ZNF529: variants seen among roughly 807,000 people sequenced by gnomAD.
ZNF529 encodes the protein zinc finger protein 529.
A neutral mutation model predicts 10.1 loss-of-function variants in ZNF529; 11 were observed. The observed-to-expected ratio is 1.09, with a 90% CI of 0.69 to 1.81. ZNF529 has a LOEUF of 1.81. Among genes scored for constraint, ZNF529 ranks in the 40% most tolerant of loss-of-function variants. The pLI is 0.00. For synonymous variants in ZNF529, 204 were observed against 215.7 expected (o/e 0.95, Z 0.47); for missense variants, 624 against 666.8 (o/e 0.94, Z 0.71).
In ZNF529 at chr19:36,547,872, T is replaced by C; in HGVS notation, c.686A>G (p.Tyr229Cys). The change falls in exon 5 of 5, where the codon TAT becomes TGT. Residue 229 changes from tyrosine (Y) to cysteine (C), a missense_variant. Coordinates refer to ENST00000591340, the MANE Select transcript of ZNF529 (RefSeq NM_020951.5). Reference sequence around the variant, plus strand: ...ACTACATGTATTCCCATATTCCATATATTTACAAGGTTTCACACCAGTATG... The same window carrying C: ...ACTACATGTATTCCCATATTCCATACATTTACAAGGTTTCACACCAGTATG... ...NIHTGVKPCK[Y>C]MEYGNTCSFY... 1 of 1,612,140 alleles carries C rather than the reference T, an allele frequency of 6.2e-7. No individual in the cohort carries two copies. Among genetic ancestry groups the C allele is most frequent in the Non-Finnish European group, 8.5e-7 (1 of 1,178,634 alleles).
chr19:36,578,111 C>T (rs911557890), upstream of ZNF529, among the ~76,000 whole-genome samples: 7 of 116,112 alleles, frequency 6.0e-5, no homozygotes, highest in Non-Finnish European at 1.6e-5. Context: ...GTCACCCAGG[C>T]TGGAGTGCAG....
rs150333116 is a variant in ZNF529 at position 36,556,298 on chromosome 19, C to A, written c.15-101G>T. ...AAGAAACATTAGTTTAAGAGAATCT[C>A]AAAAAACATGTTAAGAACTCTTAGA... On this transcript the variant is annotated intron_variant, in intron 2 of 4. Transcript: ENST00000591340. The A allele has an allele frequency of 6.0e-6, 4 of 672,186 alleles. No individual in the cohort carries two copies. In the East Asian group the frequency reaches 1.1e-4, roughly 18 times the overall value. 41.6% of individuals were successfully genotyped at this position (672,186 alleles called of 1,614,324 possible).
chr19:36,598,160 T>C (rs765908918), intron 1 of ZNF529, among the ~76,000 whole-genome samples: 10 of 152,224 alleles, frequency 6.6e-5, no homozygotes, highest in Non-Finnish European at 1.2e-4. Context: ...TGACTGGTTA[T>C]GCATCCTTAT....
At chr19:36,586,630 G>A (rs532780620) in intron 2 of ZNF529, among the ~76,000 whole-genome samples, 138 of 151,796 alleles carry the variant, frequency 9.1e-4, no homozygotes, top group African/African-American at 3.2e-3. Flanking sequence ...AAAAAAAAAA[G>A]CTATTTAAAA....
At chr19:36,595,215 A>G (rs1000059156) in intron 1 of ZNF529, among the ~76,000 whole-genome samples, 3 of 152,172 alleles carry the variant, frequency 2.0e-5, no homozygotes, top group Non-Finnish European at 4.4e-5. Context: ...AACTTCCTTC[A>G]GTAGCATTGG....
In ZNF529 at chr19:36,561,653, T is replaced by G. The variant is rs541355002; in HGVS notation, c.15-5456A>C. On this transcript the variant is annotated intron_variant, in intron 2 of 4. Transcript: ENST00000591340. ...ACAGGCTGTGCCACTCCCCAAACCC[T>G]AGACCTGTAGAGCCAGCAGCATGCA... 1.3e-3 allele frequency among the ~76,000 whole-genome samples: 200 copies of G among 152,196 alleles called. 2 individuals carry two copies. Among genetic ancestry groups the G allele is most frequent in the African/African-American group, 4.7e-3 (195 of 41,548 alleles).
Position 36,547,340 on chromosome 19 carries a change from A to G in ZNF529, c.1218T>C (p.Ser406=). 6.2e-7 allele frequency: 1 copy of G among 1,613,738 alleles called. No individual in the cohort carries two copies. The highest frequency in any genetic ancestry group is 8.5e-7 in the Non-Finnish European group (1 of 1,179,916). The change falls in exon 5 of 5, where the codon AGT becomes AGC. Residue 406 remains serine (S), a synonymous_variant. Coordinates refer to ENST00000591340, the MANE Select transcript of ZNF529 (RefSeq NM_020951.5). ...TCCTCTGATGTCTAGTCAGGGATGA[A>G]CTATTTCTAAAGACCTTTCCACATG... ...CKACGKVFRN[S]SSLTRHQRIH... is the part of the protein sequence containing the mutation.
At chr19:36,565,485 G>T (rs921808242) in intron 2 of ZNF529, among the ~76,000 whole-genome samples, 1 of 152,158 alleles carries the variant, frequency 6.6e-6, no homozygotes, top group Non-Finnish European at 1.5e-5. Context: ...GGCGGATCAT[G>T]AGGTCAGGAG....
rs2034948750 is a variant in ZNF529 at position 36,544,754 on chromosome 19, A to G, written c.*2112T>C. ...TCTTTTAAAACTACTTGAATAAGCA[A>G]TACTTACATAAAACATAGCTCAATA... On this transcript the variant is annotated 3_prime_UTR_variant, in exon 5 of 5. Coordinates refer to ENST00000591340, the MANE Select transcript of ZNF529 (RefSeq NM_020951.5). 1 of 152,240 alleles carries G rather than the reference A, an allele frequency of 6.6e-6. No homozygotes were observed. Among genetic ancestry groups the G allele is most frequent in the African/African-American group, 2.4e-5 (1 of 41,462 alleles). 9.4% of individuals were successfully genotyped at this position (152,240 alleles called of 1,614,324 possible).
chr19:36,579,762 A>C (rs561913442), intron 2 of ZNF529, among the ~76,000 whole-genome samples: 1 of 152,346 alleles, frequency 6.6e-6, no homozygotes, highest in African/African-American at 2.4e-5. Context: ...GTGAGTTGTG[A>C]GAGAATGCTA....
chr19:36,592,612 G>A (rs1189962025), intron 1 of ZNF529, among the ~76,000 whole-genome samples: 1 of 149,448 alleles, frequency 6.7e-6, no homozygotes. Context: ...AAAAAAGAAA[G>A]AAAGAAAAAA....
intron 1 of ZNF529, among the ~76,000 whole-genome samples, chr19:36,590,286 G>T (rs2036676085): frequency 6.6e-6 from 1 of 152,004 alleles, no homozygotes; most frequent in Admixed American, 6.6e-5. Flanking sequence ...GAGGCAGAAG[G>T]ATCGCTTGAG....
Position 36,556,152 on chromosome 19 carries a change from T to G in ZNF529, c.60A>C (p.Pro20=). 1 of 1,520,214 alleles carries G rather than the reference T, an allele frequency of 6.6e-7. No individual in the cohort carries two copies. The highest frequency in any genetic ancestry group is 8.9e-7 in the Non-Finnish European group (1 of 1,118,282). 94.2% of individuals were successfully genotyped at this position (1,520,214 alleles called of 1,614,324 possible). Residue 20 remains proline, a synonymous_variant, in exon 3 of 5, where the codon CCA becomes CCC. Coordinates refer to ENST00000591340, the MANE Select transcript of ZNF529 (RefSeq NM_020951.5). Reference sequence around the variant, plus strand: ...AGAATTGGTCAGGGAATTCCACTTCTGGCATGACAGCATGAGGAGCTCCAT... The same window carrying G: ...AGAATTGGTCAGGGAATTCCACTTCGGGCATGACAGCATGAGGAGCTCCAT... The part of the protein sequence containing the change: ...HVHGAPHAVM[P]EVEFPDQFFT...
rs1044163325 is a variant in ZNF529 at position 36,573,169 on chromosome 19, G to C, written c.-76C>G. 3.2e-6 allele frequency: 1 copy of C among 314,396 alleles called. No individual in the cohort carries two copies. Among genetic ancestry groups the C allele is most frequent in the Non-Finnish European group, 6.5e-6 (1 of 154,444 alleles). The allele number at this position is 314,396 out of a possible 1,614,324, so 19.5% of individuals were successfully genotyped here. On this transcript the variant is annotated 5_prime_UTR_variant, in exon 1 of 5. Transcript: ENST00000591340. ...ATCGTCCGCAGCTCCCGCGTACAGA[G>C]GCCTCAGGCTCCCGGCTCCACGTGG...
rs145452952 is a variant in ZNF529, at chr19:36,560,912, A to G, written c.15-4715T>C. ...GATTTATAACACGGAAGCAAAATAT[A>G]GAGATTTGAAAATTCTCAGCCTAAG... On this transcript the variant is annotated intron_variant, in intron 2 of 4. Transcript: ENST00000591340. Among the ~76,000 whole-genome samples the G allele has an allele frequency of 8.6e-3, 1,306 of 152,378 alleles. 16 individuals carry two copies. The highest frequency in any genetic ancestry group is 0.018 in the South Asian group (86 of 4,828).
intron 1 of ZNF529, among the ~76,000 whole-genome samples, chr19:36,597,258 A>G (rs1434088522): frequency 1.3e-5 from 2 of 152,184 alleles, no homozygotes; most frequent in East Asian, 3.8e-4. Flanking sequence ...TGTTGGAGGT[A>G]AGTTCATCAA....
chr19:36,604,326 G>A (rs1295403465), intron 1 of ZNF529, among the ~76,000 whole-genome samples: 1 of 152,076 alleles, frequency 6.6e-6, no homozygotes, highest in East Asian at 1.9e-4. Context: ...ACACAGCCTT[G>A]TCCATGTGAA....
At chr19:36,583,535 C>T (rs930954493) in intron 2 of ZNF529, among the ~76,000 whole-genome samples, 2 of 151,788 alleles carry the variant, frequency 1.3e-5, no homozygotes, top group Non-Finnish European at 1.5e-5. Flanking sequence ...TCTGCCCCAC[C>T]GAGATGAGCT....
At chr19:36,554,559 CAG>C in intron 4 of ZNF529, 109 bp downstream of exon 4, 1 of 926,138 alleles carries the variant, frequency 1.1e-6, no homozygotes, top group Non-Finnish European at 1.5e-6. Context: ...ACCTGGGTGA[CAG>C]AGTGAGACTC....
Sources: gnomAD v4.1 joint callset for allele counts (sites outside exome capture counted in the v4.1 genomes callset) on GRCh38, gnomAD v4.1.1 for gene constraint, MANE v1.5 for transcripts, NCBI Gene and HGNC (gene_info 2026-07-23, HGNC 2026-07-21) for gene names.